Variants in NDUFS4 observed in about 807,000 individuals in gnomAD.
NDUFS4 encodes the protein NADH dehydrogenase [ubiquinone] iron-sulfur protein 4, mitochondrial.
In NDUFS4, 28 loss-of-function variants were observed where a neutral mutation model predicts 24.3. That is an observed-to-expected ratio of 1.15 (90% CI 0.85 to 1.58). The LOEUF (loss-of-function observed/expected upper bound fraction) is 1.58. Ranked by LOEUF, NDUFS4 falls within the 40% of genes most tolerant of loss-of-function variation. NDUFS4 has a pLI of 0.00. For synonymous variants in NDUFS4, 93 were observed against 69.7 expected, an observed-to-expected ratio of 1.34 and a Z score of -1.67; for missense variants, 223 against 207.9, an observed-to-expected ratio of 1.07 and a Z score of -0.45.
At chr5:53,634,584 CCTTT>C (rs1223241180) in intron 2 of NDUFS4, among the ~76,000 whole-genome samples, 4 of 151,806 alleles carry the variant, frequency 2.6e-5, no homozygotes, top group Admixed American at 2.6e-4. Flanking sequence ...TCTTTGCTTC[CCTTT>C]CTTTTCCTTC....
intron 4 of NDUFS4, among the ~76,000 whole-genome samples, chr5:53,677,115 T>C (rs1561403468): frequency 6.6e-6 from 1 of 152,226 alleles, no homozygotes; most frequent in Non-Finnish European, 1.5e-5. Context: ...GATATACTTT[T>C]GGAACACAAA....
At chr5:53,658,704 G>T in intron 4 of NDUFS4, 80 bp downstream of exon 4, 4 of 1,140,176 alleles carry the variant, frequency 3.5e-6, no homozygotes, top group East Asian at 3.2e-5. Flanking sequence ...TAAGTATACA[G>T]AATTTGAGTT....
intron 3 of NDUFS4, among the ~76,000 whole-genome samples, chr5:53,656,908 T>C (rs1465480642): frequency 6.6e-6 from 1 of 151,926 alleles, no homozygotes; most frequent in African/African-American, 2.4e-5. Context: ...AACTACAAAA[T>C]ACAGGAAATG....
At chr5:53,597,186 C>T (rs1448171471) in intron 1 of NDUFS4, among the ~76,000 whole-genome samples, 6 of 152,202 alleles carry the variant, frequency 3.9e-5, no homozygotes, top group Admixed American at 2.0e-4. Context: ...ACAAGGACCT[C>T]TCTGTGGGAC....
intron 1 of NDUFS4, among the ~76,000 whole-genome samples, chr5:53,566,009 T>C (rs1749012987): frequency 6.6e-6 from 1 of 151,888 alleles, no homozygotes; most frequent in African/African-American, 2.4e-5. Context: ...CCGTCTCCAC[T>C]AAAAAATACA....
rs1327695471 is a variant in NDUFS4 at position 53,608,345 on chromosome 5, GTAA to G, written c.177+4817_177+4819del. Among the ~76,000 whole-genome samples the G allele has an allele frequency of 5.3e-5, 8 of 152,230 alleles. No homozygotes were observed. The Middle Eastern group carries it at 0.024, about 453-fold the overall frequency. On this transcript the variant is annotated intron_variant, in intron 2 of 4. Coordinates refer to ENST00000296684, the MANE Select transcript of NDUFS4 (RefSeq NM_002495.4). ...GTTGCTGAAGGTTGGGGTGGCTGTG[GTAA>G]TTTCTTAAAATAAGACAACAGTGAA...
At chr5:53,626,876 G>T (rs1216938421) in intron 2 of NDUFS4, among the ~76,000 whole-genome samples, 3 of 152,054 alleles carry the variant, frequency 2.0e-5, no homozygotes, top group African/African-American at 7.2e-5. Context: ...TGCAGTAGCT[G>T]TTTAGTTTAA....
chr5:53,585,499 A>T (rs1749719861), intron 1 of NDUFS4, among the ~76,000 whole-genome samples: 1 of 152,102 alleles, frequency 6.6e-6, no homozygotes, highest in Non-Finnish European at 1.5e-5. Context: ...TAATCCCAGC[A>T]CTTTGGGAGG....
intron 2 of NDUFS4, among the ~76,000 whole-genome samples, chr5:53,621,890 C>T (rs577859757): frequency 1.6e-4 from 24 of 151,504 alleles, no homozygotes; most frequent in African/African-American, 4.8e-4. Flanking sequence ...TTAGTAGAGA[C>T]GGGGTTTCAC....
At chr5:53,629,647 CT>C (rs1561373706) in intron 2 of NDUFS4, among the ~76,000 whole-genome samples, 2 of 152,082 alleles carry the variant, frequency 1.3e-5, no homozygotes, top group African/African-American at 4.8e-5. Flanking sequence ...CCTTGTTTGT[CT>C]TTTTCGATCT....
At chr5:53,575,040 A>G (rs1749338612) in intron 1 of NDUFS4, among the ~76,000 whole-genome samples, 1 of 152,234 alleles carries the variant, frequency 6.6e-6, no homozygotes, top group South Asian at 2.1e-4. Context: ...TTGCCACCGC[A>G]TGTGGCTATA....
At chr5:53,563,256 A>G (rs1453483178) in intron 1 of NDUFS4, among the ~76,000 whole-genome samples, 2 of 144,162 alleles carry the variant, frequency 1.4e-5, no homozygotes, top group Non-Finnish European at 3.1e-5. Flanking sequence ...AAAAAAAAAG[A>G]AAAGGAAGGA....
chr5:53,639,383 A>G (rs1031396049), intron 2 of NDUFS4, among the ~76,000 whole-genome samples: 3 of 151,910 alleles, frequency 2.0e-5, no homozygotes, highest in Admixed American at 1.3e-4. Context: ...AGTGTATAAA[A>G]GCAATATTCC....
intron 4 of NDUFS4, among the ~76,000 whole-genome samples, chr5:53,664,068 A>G (rs546768063): frequency 6.6e-6 from 1 of 152,136 alleles, no homozygotes; most frequent in Non-Finnish European, 1.5e-5. Flanking sequence ...TCTGTAAAGG[A>G]TTTTATTTCT....
intron 3 of NDUFS4, among the ~76,000 whole-genome samples, chr5:53,655,465 C>G (rs1414294022): frequency 6.8e-6 from 1 of 148,052 alleles, no homozygotes; most frequent in East Asian, 2.0e-4. Context: ...CCATTCCATG[C>G]TATTTATTGA....
chr5:53,668,975 G>A (rs1411748949), intron 4 of NDUFS4, among the ~76,000 whole-genome samples: 1 of 149,940 alleles, frequency 6.7e-6, no homozygotes, highest in African/African-American at 2.5e-5. Flanking sequence ...TTAAGTAACA[G>A]GGACACATAC....
intron 3 of NDUFS4, among the ~76,000 whole-genome samples, chr5:53,658,088 T>C (rs1465924966): frequency 6.6e-6 from 1 of 152,110 alleles, no homozygotes; most frequent in East Asian, 1.9e-4. Flanking sequence ...ATATTGTTAA[T>C]GATGGAAGGT....
chr5:53,572,431 C>T (rs1307724309), intron 1 of NDUFS4, among the ~76,000 whole-genome samples: 2 of 152,180 alleles, frequency 1.3e-5, no homozygotes, highest in Non-Finnish European at 2.9e-5. Context: ...GTAGCATGTC[C>T]TGAACTCTAC....
At chr5:53,657,091 G>A (rs1208451585) in intron 3 of NDUFS4, among the ~76,000 whole-genome samples, 1 of 152,124 alleles carries the variant, frequency 6.6e-6, no homozygotes, top group Non-Finnish European at 1.5e-5. Flanking sequence ...CATCTTTGCA[G>A]GAAACAGAGT....
Sources: gnomAD v4.1 joint callset for allele counts (sites outside exome capture counted in the v4.1 genomes callset) on GRCh38, gnomAD v4.1.1 for gene constraint, MANE v1.5 for transcripts, NCBI Gene and HGNC (gene_info 2026-07-23, HGNC 2026-07-21) for gene names.